HS3ST5: variants seen among roughly 807,000 people sequenced by gnomAD.
The protein encoded by HS3ST5 is heparan sulfate glucosamine 3-O-sulfotransferase 5.
Under a neutral mutation model 25.4 loss-of-function variants are expected in HS3ST5, and 10 were observed. The ratio of observed to expected loss-of-function variants is 0.39; its 90% CI spans 0.24 to 0.67. The LOEUF is 0.67. Among genes scored for constraint, HS3ST5 ranks in the 30% least tolerant of loss-of-function variants. HS3ST5 has a pLI of 0.44. For missense variants in HS3ST5, 324 were observed against 420.7 expected (o/e 0.77, Z 2.01); for synonymous variants, 170 against 162.4 (o/e 1.05, Z -0.36).
At chr6:114,303,747 G>A (rs147615400) in intron 1 of HS3ST5, among the ~76,000 whole-genome samples, 2 of 152,080 alleles carry the variant, frequency 1.3e-5, no homozygotes, top group Admixed American at 6.6e-5. Context: ...CTATAACACT[G>A]TCTACTTAAG....
intron 3 of HS3ST5, among the ~76,000 whole-genome samples, chr6:114,068,824 A>G (rs183086955): frequency 6.6e-6 from 1 of 152,302 alleles, no homozygotes; most frequent in East Asian, 1.9e-4. Flanking sequence ...TTAATCTCTC[A>G]GTGTCTTTCA....
chr6:114,308,733 C>T (rs1198299998), intron 1 of HS3ST5, among the ~76,000 whole-genome samples: 1 of 152,070 alleles, frequency 6.6e-6, no homozygotes, highest in Non-Finnish European at 1.5e-5. Context: ...GCACCCAGTC[C>T]CAGGAGGAGG....
At chr6:114,073,482 A>G (rs868341930) in intron 3 of HS3ST5, among the ~76,000 whole-genome samples, 32 of 152,230 alleles carry the variant, frequency 2.1e-4, no homozygotes, top group African/African-American at 7.0e-4. Context: ...GGCAAAGGAT[A>G]AGAACAGACA....
At chr6:114,097,224 G>T (rs1775480464) in intron 3 of HS3ST5, among the ~76,000 whole-genome samples, 1 of 151,782 alleles carries the variant, frequency 6.6e-6, no homozygotes, top group Admixed American at 6.6e-5. Context: ...TTATTCAACA[G>T]AATATACAGA....
At chr6:114,059,015 T>G (rs1216349845) in intron 4 of HS3ST5, 3 of 152,148 alleles carry the variant, frequency 2.0e-5, no homozygotes, top group African/African-American at 7.2e-5. Flanking sequence ...CTCAATCTCA[T>G]TAAGGAAGGA....
chr6:114,146,717 C>T lies in HS3ST5; in HGVS notation c.-33+21634G>A, dbSNP rs530747867. 1.2e-4 allele frequency among the ~76,000 whole-genome samples: 19 copies of T among 152,208 alleles called. No homozygotes were observed. The East Asian group carries it at 1.4e-3, about 11-fold the overall frequency. On this transcript the variant is annotated intron_variant, in intron 3 of 4. Coordinates refer to ENST00000312719, the MANE Select transcript of HS3ST5 (RefSeq NM_153612.4). Reference sequence around the variant, plus strand: ...GGGGTGGATCCCTCATGGCTTGGTGCGTCTTTGCAATATTTGATGAGGTCT... The same window carrying T: ...GGGGTGGATCCCTCATGGCTTGGTGTGTCTTTGCAATATTTGATGAGGTCT...
rs192065123 is a variant in HS3ST5 at position 114,319,189 on chromosome 6, A to G, written c.-339+23006T>C. Among the ~76,000 whole-genome samples, 6 of 152,302 alleles carry G rather than the reference A, an allele frequency of 3.9e-5. No homozygotes were observed. The East Asian group carries it at 1.2e-3, about 29-fold the overall frequency. ...TATATTCCAATCTCACAGAAAATATAAGAATTCAGAATGTTTAATTTTCTT... is the reference window on the plus strand; with the variant it reads ...TATATTCCAATCTCACAGAAAATATGAGAATTCAGAATGTTTAATTTTCTT... On this transcript the variant is annotated intron_variant, in intron 1 of 4. Transcript: ENST00000312719.
At chr6:114,075,204 G>A (rs1774049594) in intron 3 of HS3ST5, among the ~76,000 whole-genome samples, 1 of 152,200 alleles carries the variant, frequency 6.6e-6, no homozygotes, top group African/African-American at 2.4e-5. Flanking sequence ...ATAGAGCTTA[G>A]ATCCTCTCAT....
intron 3 of HS3ST5, among the ~76,000 whole-genome samples, chr6:114,136,114 C>G (rs1234384357): frequency 1.3e-5 from 2 of 152,220 alleles, no homozygotes; most frequent in Non-Finnish European, 2.9e-5. Flanking sequence ...AGCTGTCTAA[C>G]TCATTAGATT....
At chr6:114,220,591 TG>T (rs1781985311) in intron 2 of HS3ST5, 2 of 152,028 alleles carry the variant, frequency 1.3e-5, no homozygotes, top group Admixed American at 1.3e-4. Flanking sequence ...ATAATACAGT[TG>T]TATTTTATTT....
In HS3ST5 at chr6:114,320,149, AC is replaced by A. The variant is rs1775906527; in HGVS notation, c.-339+22045del. Among the ~76,000 whole-genome samples, 4 of 152,230 alleles carry A rather than the reference AC, an allele frequency of 2.6e-5. No homozygotes were observed. The South Asian group carries it at 8.3e-4, about 32-fold the overall frequency. ...GTGACTGCACTGTTATTGGGACTCT[AC>A]ATACATTATCTTTAATTCTTACAAT... On this transcript the variant is annotated intron_variant, in intron 1 of 4. Coordinates refer to ENST00000312719, the MANE Select transcript of HS3ST5 (RefSeq NM_153612.4).
intron 1 of HS3ST5, among the ~76,000 whole-genome samples, chr6:114,243,009 C>A (rs1318612307): frequency 6.6e-6 from 1 of 152,224 alleles, no homozygotes; most frequent in Non-Finnish European, 1.5e-5. Flanking sequence ...CCCTCTAGCA[C>A]TTTCACTATT....
intron 3 of HS3ST5, among the ~76,000 whole-genome samples, chr6:114,074,239 C>T (rs1053048776): frequency 4.0e-5 from 6 of 151,500 alleles, no homozygotes; most frequent in Non-Finnish European, 5.9e-5. Flanking sequence ...CACATGTATA[C>T]CTATGTAACA....
intron 2 of HS3ST5, among the ~76,000 whole-genome samples, chr6:114,174,448 T>G (rs1356683434): frequency 2.0e-5 from 3 of 152,090 alleles, no homozygotes; most frequent in African/African-American, 7.2e-5. Flanking sequence ...CTGCTTGGAA[T>G]ATTCTAGATG....
rs1582637757 is a variant in HS3ST5, at chr6:114,134,236, T to C, written c.-33+34115A>G. Among the ~76,000 whole-genome samples, 3 of 152,256 alleles carry C rather than the reference T, an allele frequency of 2.0e-5. No individual in the cohort carries two copies. The South Asian group carries it at 6.2e-4, about 32-fold the overall frequency. On this transcript the variant is annotated intron_variant, in intron 3 of 4. Coordinates refer to ENST00000312719, the MANE Select transcript of HS3ST5 (RefSeq NM_153612.4). Reference sequence around the variant, plus strand: ...TATGTGAGGGGCTCTGCACTTATGATATCATGGAGTCATCACAACCCCATG... The same window carrying C: ...TATGTGAGGGGCTCTGCACTTATGACATCATGGAGTCATCACAACCCCATG...
intron 3 of HS3ST5, among the ~76,000 whole-genome samples, chr6:114,161,546 T>C (rs1172902439): frequency 2.4e-5 from 2 of 84,092 alleles, no homozygotes; most frequent in South Asian, 4.0e-4. Context: ...TATATATATA[T>C]ATATATATAT....
In HS3ST5 at chr6:114,298,661, C is replaced by T. The variant is rs528653081; in HGVS notation, c.-339+43534G>A. Among the ~76,000 whole-genome samples, 19 of 152,276 alleles carry T rather than the reference C, an allele frequency of 1.2e-4. No homozygotes were observed. The South Asian group carries it at 1.5e-3, about 12-fold the overall frequency. ...AGGCAGGGACCCCGAATGGGGGGAC[C>T]GGCTGAAGCCATGGAAGAAGAACGT... On this transcript the variant is annotated intron_variant, in intron 1 of 4. Transcript: ENST00000312719.
At chr6:114,186,105 C>T (rs1028169922) in intron 2 of HS3ST5, among the ~76,000 whole-genome samples, 4 of 152,042 alleles carry the variant, frequency 2.6e-5, no homozygotes, top group African/African-American at 7.2e-5. Flanking sequence ...TTGGGCCTCC[C>T]TATTCTGCGA....
At chr6:114,225,150 G>A (rs1276006950) in intron 2 of HS3ST5, among the ~76,000 whole-genome samples, 1 of 151,684 alleles carries the variant, frequency 6.6e-6, no homozygotes, top group Admixed American at 6.6e-5. Flanking sequence ...TACTAGTTTT[G>A]TAAGTTTTTT....
Sources: allele counts gnomAD v4.1 joint callset (sites outside exome capture counted in the v4.1 genomes callset), GRCh38; gene constraint gnomAD v4.1.1; transcripts MANE v1.5; gene names NCBI Gene and HGNC (gene_info 2026-07-23, HGNC 2026-07-21).